The following CCNB3 variants were observed in gnomAD, a reference collection of about 807,000 sequenced individuals.
CCNB3 encodes G2/mitotic-specific cyclin-B3.
CCNB3 carries 12 observed loss-of-function variants against 68.0 expected under a neutral mutation model. The observed-to-expected ratio is 0.18, with a 90% CI of 0.11 to 0.29. CCNB3 has a LOEUF of 0.29. CCNB3 is among the 10% of genes least tolerant of loss of function. CCNB3 has a pLI of 1.00. For missense variants in CCNB3, 904 were observed against 993.1 expected (o/e 0.91, Z 1.21); for synonymous variants, 354 against 388.9 (o/e 0.91, Z 1.06).
intron 11 of CCNB3, among the ~76,000 whole-genome samples, chrX:50,350,990 C>T (rs1358438993): frequency 8.9e-6 from 1 of 111,777 alleles, no homozygotes; most frequent in East Asian, 2.8e-4. Context: ...ATCCCTACCA[C>T]GCCTGGCCAA....
intron 8 of CCNB3, among the ~76,000 whole-genome samples, chrX:50,328,452 C>T (rs1160131145): frequency 9.0e-6 from 1 of 111,058 alleles, no homozygotes; most frequent in Non-Finnish European, 1.9e-5. Flanking sequence ...GGGGGAAGTG[C>T]CATACACTTT....
chrX:50,211,859 G>C (rs1602178747), intron 1 of CCNB3, among the ~76,000 whole-genome samples: 1 of 112,033 alleles, frequency 8.9e-6, no homozygotes, highest in East Asian at 2.8e-4. Context: ...CCTAAAAACT[G>C]CATTTTTGTG....
intron 8 of CCNB3, among the ~76,000 whole-genome samples, chrX:50,315,782 T>C (rs1921696796): frequency 8.9e-6 from 1 of 111,884 alleles, no homozygotes. Flanking sequence ...CCCCTCTCCT[T>C]CCTGTCCCTG....
upstream of CCNB3, among the ~76,000 whole-genome samples, chrX:50,204,225 T>C (rs543073264): frequency 7.2e-5 from 8 of 111,519 alleles, no homozygotes; most frequent in South Asian, 1.9e-3. Flanking sequence ...AAAACTTGGT[T>C]AGCTATCTGA....
intron 1 of CCNB3, among the ~76,000 whole-genome samples, chrX:50,279,163 C>CTA (rs1257697457): frequency 0.032 from 68 of 2,131 alleles, no homozygotes; most frequent in African/African-American, 0.1. Flanking sequence ...TATATATATT[C>CTA]TATATATATA....
chrX:50,346,555 A>G, intron 9 of CCNB3, 97 bp from the exon 10 acceptor site: 1 of 876,878 alleles, frequency 1.1e-6, no homozygotes, highest in African/African-American at 2.0e-5. Flanking sequence ...GATTTATGCC[A>G]GGAAATCCTT....
intron 1 of CCNB3, among the ~76,000 whole-genome samples, chrX:50,281,740 T>C (rs1182887037): frequency 9.0e-6 from 1 of 111,457 alleles, no homozygotes; most frequent in Non-Finnish European, 1.9e-5. Flanking sequence ...ACAAAACGTC[T>C]TTTCACAAGT....
At chrX:50,334,288 T>C (rs148322151) in intron 8 of CCNB3, among the ~76,000 whole-genome samples, 3,856 of 112,603 alleles carry the variant, frequency 0.034, 174 homozygotes, top group African/African-American at 0.12. Context: ...ACAGTTATGC[T>C]CTACCAGGCT....
chrX:50,279,163 C>G (rs1335658499), intron 1 of CCNB3, among the ~76,000 whole-genome samples: 6 of 2,132 alleles, frequency 2.8e-3, no homozygotes, highest in Non-Finnish European at 4.0e-3. Flanking sequence ...TATATATATT[C>G]TATATATATA....
At chrX:50,318,685 TGCTATCCCTA>T (rs1396125023) in intron 8 of CCNB3, among the ~76,000 whole-genome samples, 1 of 112,133 alleles carries the variant, frequency 8.9e-6, no homozygotes, top group Non-Finnish European at 1.9e-5. Flanking sequence ...GGCCTGATAC[TGCTATCCCTA>T]GAAAGGTCTG....
intron 5 of CCNB3, among the ~76,000 whole-genome samples, chrX:50,298,131 G>C (rs1446058992): frequency 1.8e-5 from 2 of 110,707 alleles, no homozygotes; most frequent in Non-Finnish European, 3.8e-5. Context: ...ATTTCCTTCT[G>C]CTGCCTGATT....
intron 2 of CCNB3, among the ~76,000 whole-genome samples, chrX:50,284,838 G>A (rs773549751): frequency 3.1e-4 from 35 of 111,631 alleles, no homozygotes; most frequent in Non-Finnish European, 5.5e-4. Flanking sequence ...GGTAGGCACT[G>A]TGCTTGGCTT....
At chrX:50,290,268 C>G (rs1489356391) in intron 4 of CCNB3, among the ~76,000 whole-genome samples, 1 of 111,705 alleles carries the variant, frequency 9.0e-6, no homozygotes, top group African/African-American at 3.3e-5. Flanking sequence ...AGTTATTGCT[C>G]ACAGTTCTGG....
Position 50,309,438 on chromosome X carries a change from G to A in CCNB3, c.1269G>A (p.Lys423=). ...TGAAGCCATTGTCCATTAAAGAAAA[G>A]CCATCTACTGAGAAGGAGTCCTTTT... ...LIMKPLSIKE[K]PSTEKESFSQ... is the part of the protein sequence containing the mutation. Residue 423 remains lysine, a synonymous_variant, in exon 6 of 13, where the codon AAG becomes AAA. Transcript: ENST00000376042. 3 of 1,211,025 alleles carry A rather than the reference G, an allele frequency of 2.5e-6. No individual in the cohort carries two copies. The highest frequency in any genetic ancestry group is 3.4e-6 in the Non-Finnish European group (3 of 895,201).
In CCNB3 at chrX:50,309,606, T is replaced by C; in HGVS notation, c.1437T>C (p.Ile479=). The part of the protein sequence containing the change: ...EALAFTKKCT[I]EEAPPTKKPL... ...TGGCTTTTACAAAGAAGTGTACCAT[T>C]GAGGAGGCACCCCCCACCAAGAAGC... Residue 479 remains isoleucine (I), a synonymous_variant, in exon 6 of 13, where the codon ATT becomes ATC. Transcript: ENST00000376042. 8.3e-7 allele frequency: 1 copy of C among 1,210,979 alleles called. No homozygotes were observed. Among genetic ancestry groups the C allele is most frequent in the Non-Finnish European group, 1.1e-6 (1 of 895,230 alleles).
At chrX:50,341,198 C>T (rs1392177841) in intron 8 of CCNB3, among the ~76,000 whole-genome samples, 1 of 109,420 alleles carries the variant, frequency 9.1e-6, no homozygotes, top group Non-Finnish European at 1.9e-5. Context: ...GGCGTGGTGG[C>T]GGATGCCTGT....
At chrX:50,312,021 A>G (rs1183973820) in intron 6 of CCNB3, among the ~76,000 whole-genome samples, 1 of 110,630 alleles carries the variant, frequency 9.0e-6, no homozygotes, top group Non-Finnish European at 1.9e-5. Context: ...TTGGTAAAAA[A>G]TGGGCAAAGT....
chrX:50,216,461 G>T (rs936278174), intron 1 of CCNB3, among the ~76,000 whole-genome samples: 1 of 108,966 alleles, frequency 9.2e-6, no homozygotes, highest in Non-Finnish European at 1.9e-5. Context: ...GTAGAGACAG[G>T]GTTTCACCAT....
chrX:50,226,140 T>A (rs1194252418), intron 1 of CCNB3, among the ~76,000 whole-genome samples: 1 of 76,651 alleles, frequency 1.3e-5, no homozygotes, highest in Non-Finnish European at 2.3e-5. Flanking sequence ...TATATAAATA[T>A]ATATTCTATA....
Sources: gnomAD v4.1 joint callset for allele counts (sites outside exome capture counted in the v4.1 genomes callset) on GRCh38, gnomAD v4.1.1 for gene constraint, MANE v1.5 for transcripts, NCBI Gene and HGNC (gene_info 2026-07-23, HGNC 2026-07-21) for gene names.